MECR: variants seen among roughly 807,000 people sequenced by gnomAD.
The protein encoded by MECR is mitochondrial trans-2-enoyl-CoA reductase.
MECR carries 37 observed loss-of-function variants against 49.1 expected under a neutral mutation model. The observed-to-expected ratio is 0.75, with a 90% CI of 0.58 to 0.99. MECR has a LOEUF of 0.99. Among genes scored for constraint, MECR ranks in the 50% least tolerant of loss-of-function variants. MECR has a pLI of 0.00. For synonymous variants in MECR, 198 were observed against 191.1 expected, an observed-to-expected ratio of 1.04 and a Z score of -0.30; for missense variants, 470 against 479.6, an observed-to-expected ratio of 0.98 and a Z score of 0.19.
intron 4 of MECR, among the ~76,000 whole-genome samples, chr1:29,206,101 C>T (rs1174759905): frequency 6.6e-6 from 1 of 152,232 alleles, no homozygotes; most frequent in Admixed American, 6.5e-5. Context: ...AGCGGACAGT[C>T]TCTGCACTGT....
At chr1:29,188,463 CAA>C, downstream of MECR, among the ~76,000 whole-genome samples, 1 of 152,010 alleles carries the variant, frequency 6.6e-6, no homozygotes, top group East Asian at 1.9e-4. Flanking sequence ...CTTGGCCTCC[CAA>C]AGTGTTAGGA....
intron 4 of MECR, among the ~76,000 whole-genome samples, chr1:29,205,043 CGGATGTGCAT>C (rs1246953171): frequency 2.3e-4 from 35 of 152,194 alleles, no homozygotes; most frequent in African/African-American, 7.5e-4. Flanking sequence ...CTGCGGCTCA[CGGATGTGCAT>C]GGATGTGCAT....
downstream of MECR, among the ~76,000 whole-genome samples, chr1:29,189,362 C>T (rs920748639): frequency 2.0e-4 from 31 of 151,844 alleles, no homozygotes; most frequent in African/African-American, 7.5e-4. Flanking sequence ...AGCCACCACA[C>T]CCAGGCAATT....
the MECR span, among the ~76,000 whole-genome samples, chr1:29,184,438 C>T: frequency 2.0e-5 from 3 of 152,198 alleles, no homozygotes; most frequent in Non-Finnish European, 2.9e-5. Flanking sequence ...CCACCGCGCC[C>T]GGCAAGAAAT....
At chr1:29,221,945 A>C (rs976740862) in intron 1 of MECR, among the ~76,000 whole-genome samples, 3 of 152,186 alleles carry the variant, frequency 2.0e-5, no homozygotes, top group Non-Finnish European at 4.4e-5. Flanking sequence ...GTATCACCCA[A>C]ATTTAATGGA....
At chr1:29,222,958 G>C (rs1176182968) in intron 1 of MECR, among the ~76,000 whole-genome samples, 1 of 152,188 alleles carries the variant, frequency 6.6e-6, no homozygotes, top group Non-Finnish European at 1.5e-5. Context: ...AGACAGGAGG[G>C]AAAACAGGGA....
the MECR span, among the ~76,000 whole-genome samples, chr1:29,173,708 C>G: frequency 1.3e-5 from 2 of 149,616 alleles, no homozygotes; most frequent in Non-Finnish European, 3.0e-5. Context: ...CTCAGCTTCC[C>G]AAAAGTGCTG....
chr1:29,196,111 G>A, intron 8 of MECR, 87 bp downstream of exon 8: 2 of 1,599,740 alleles, frequency 1.3e-6, no homozygotes, highest in Non-Finnish European at 1.7e-6. Flanking sequence ...CATTGCCTAA[G>A]CTTAGACAGC....
intron 7 of MECR, among the ~76,000 whole-genome samples, chr1:29,198,793 T>A (rs975427474): frequency 1.3e-5 from 2 of 152,170 alleles, no homozygotes; most frequent in Non-Finnish European, 2.9e-5. Context: ...ATTTTTGTAT[T>A]TTTAGTAGAG....
chr1:29,225,814 T>C (rs1231764118), intron 1 of MECR, among the ~76,000 whole-genome samples: 3 of 152,158 alleles, frequency 2.0e-5, no homozygotes, highest in Non-Finnish European at 4.4e-5. Flanking sequence ...CAGTGCCCTA[T>C]AGTGAGAATG....
downstream of MECR, among the ~76,000 whole-genome samples, chr1:29,189,260 C>T (rs1490291859): frequency 1.4e-5 from 2 of 143,636 alleles, no homozygotes; most frequent in Admixed American, 6.7e-5. Context: ...TTAGTATAGA[C>T]GGGGTTTCAC....
chr1:29,169,874 A>C, the MECR span: 1 of 152,234 alleles, frequency 6.6e-6, no homozygotes, highest in African/African-American at 2.4e-5. Flanking sequence ...GGTAGAGAGG[A>C]ATCTGCATCA....
chr1:29,169,499 C>T, the MECR span: 1 of 152,148 alleles, frequency 6.6e-6, no homozygotes, highest in Non-Finnish European at 1.5e-5. Flanking sequence ...TGTGCTAATA[C>T]CAGTAAGTTG....
chr1:29,205,818 G>A (rs1362030454), intron 4 of MECR, among the ~76,000 whole-genome samples: 1 of 152,052 alleles, frequency 6.6e-6, no homozygotes, highest in African/African-American at 2.4e-5. Flanking sequence ...GAGCACGACT[G>A]TCTCAAAAAA....
intron 1 of MECR, among the ~76,000 whole-genome samples, chr1:29,220,153 G>A (rs138434248): frequency 0.012 from 1,786 of 152,012 alleles, 40 homozygotes; most frequent in African/African-American, 0.041. Context: ...CACTTTGGGA[G>A]GCCGAGGAGG....
the MECR span, among the ~76,000 whole-genome samples, chr1:29,176,805 C>T: frequency 6.6e-6 from 1 of 152,176 alleles, no homozygotes; most frequent in Non-Finnish European, 1.5e-5. Flanking sequence ...GATAGCATGA[C>T]TAAACAGACC....
At chr1:29,194,241 A>G in intron 9 of MECR, 62 bp from the exon 10 acceptor site, 3 of 1,533,172 alleles carry the variant, frequency 2.0e-6, no homozygotes, top group Non-Finnish European at 1.8e-6. Context: ...GAGATGTGGC[A>G]CGGGGCTGCC....
At chr1:29,198,172 G>A (rs1303593615) in intron 7 of MECR, among the ~76,000 whole-genome samples, 2 of 152,172 alleles carry the variant, frequency 1.3e-5, no homozygotes, top group African/African-American at 2.4e-5. Flanking sequence ...GTCAGGAGGC[G>A]GAGCTCAGGT....
At position 29,203,193 on chromosome 1, in the gene MECR, C is replaced by T. The variant is rs1466399651; in HGVS notation, c.591G>A (p.Gly197=). Residue 197 remains glycine (G), a synonymous_variant, in exon 5 of 10, where the codon GGG becomes GGA. Transcript: ENST00000263702. ...CTGCGGCGATCTGGATGACTGCTTG[C>T]CCCACTCCGCTGTTGGATGCATTCT... is the stretch of plus-strand genomic sequence containing the variant. The part of the protein sequence containing the change: ...VIQNASNSGV[G]QAVIQIAAAL... 6.3e-7 allele frequency: 1 copy of T among 1,584,274 alleles called. No individual in the cohort carries two copies. Among genetic ancestry groups the T allele is most frequent in the Non-Finnish European group, 8.6e-7 (1 of 1,161,454 alleles).
Sources: allele counts gnomAD v4.1 joint callset (sites outside exome capture counted in the v4.1 genomes callset), GRCh38; gene constraint gnomAD v4.1.1; transcripts MANE v1.5; gene names NCBI Gene and HGNC (gene_info 2026-07-23, HGNC 2026-07-21).